CDH12: variants seen among roughly 807,000 people sequenced by gnomAD.
CDH12 encodes cadherin-12.
In CDH12, 41 loss-of-function variants were observed where a neutral mutation model predicts 74.1. The ratio of observed to expected loss-of-function variants is 0.55; its 90% CI spans 0.43 to 0.72. The LOEUF (loss-of-function observed/expected upper bound fraction) is 0.72, where lower values mean the gene tolerates loss of function less well. CDH12 is among the 30% of genes least tolerant of loss of function. The pLI is 0.00. For synonymous variants in CDH12, 399 were observed against 355.0 expected (o/e 1.12, Z -1.39); for missense variants, 945 against 977.2 (o/e 0.97, Z 0.44).
intron 1 of CDH12, among the ~76,000 whole-genome samples, chr5:22,700,005 T>C (rs1352840856): frequency 6.6e-6 from 1 of 152,038 alleles, no homozygotes; most frequent in African/African-American, 2.4e-5. Context: ...TAAAAGCCCG[T>C]GTCTACAAAA....
chr5:22,764,973 C>T (rs896994108), intron 1 of CDH12, among the ~76,000 whole-genome samples: 8 of 151,954 alleles, frequency 5.3e-5, no homozygotes, highest in Non-Finnish European at 8.8e-5. Flanking sequence ...ATCATAAAAA[C>T]TGACACTGAG....
At chr5:22,098,003 C>A (rs1262872441) in intron 4 of CDH12, among the ~76,000 whole-genome samples, 1 of 152,158 alleles carries the variant, frequency 6.6e-6, no homozygotes, top group Non-Finnish European at 1.5e-5. Flanking sequence ...AATTGTTTTG[C>A]CTATCCACCC....
chr5:22,670,336 C>G (rs1200914653), intron 1 of CDH12, among the ~76,000 whole-genome samples: 2 of 151,968 alleles, frequency 1.3e-5, no homozygotes, highest in Non-Finnish European at 2.9e-5. Context: ...TTCTTTAAAG[C>G]CTGTTTTCAT....
intron 5 of CDH12, among the ~76,000 whole-genome samples, chr5:21,998,433 T>C (rs1736422121): frequency 6.6e-6 from 1 of 152,098 alleles, no homozygotes; most frequent in South Asian, 2.1e-4. Flanking sequence ...ATTAGCATAA[T>C]GTTAGTTTTC....
At chr5:22,196,306 A>C (rs1273503623) in intron 4 of CDH12, among the ~76,000 whole-genome samples, 1 of 151,514 alleles carries the variant, frequency 6.6e-6, no homozygotes, top group African/African-American at 2.4e-5. Context: ...TACCCCATCC[A>C]GCTAATGTTT....
At chr5:22,461,539 A>C (rs1367443039) in intron 2 of CDH12, among the ~76,000 whole-genome samples, 1 of 151,996 alleles carries the variant, frequency 6.6e-6, no homozygotes, top group Non-Finnish European at 1.5e-5. Context: ...AGGGCTAAAA[A>C]AATATTTTCC....
intron 6 of CDH12, among the ~76,000 whole-genome samples, chr5:21,949,508 C>CGAGGCATTT (rs1561321740): frequency 6.6e-6 from 1 of 151,102 alleles, no homozygotes. Flanking sequence ...TGGTCCTTCA[C>CGAGGCATTT]GAGGCATTTC....
intron 4 of CDH12, among the ~76,000 whole-genome samples, chr5:22,194,308 C>CTTTTTTTT (rs59899245): frequency 4.3e-5 from 6 of 139,860 alleles, no homozygotes; most frequent in Middle Eastern, 3.7e-3. Flanking sequence ...CTTTTTCTTT[C>CTTTTTTTT]TTTTTTTTTT....
chr5:22,579,346 T>C (rs1333027338), intron 1 of CDH12, among the ~76,000 whole-genome samples: 11 of 152,162 alleles, frequency 7.2e-5, no homozygotes. Flanking sequence ...TGGAAAGAAA[T>C]TGATTTTATT....
chr5:21,871,096 A>G (rs949951536), intron 6 of CDH12, among the ~76,000 whole-genome samples: 3 of 152,192 alleles, frequency 2.0e-5, no homozygotes, highest in Non-Finnish European at 4.4e-5. Flanking sequence ...ATTGTTCTTC[A>G]GTGTGACAGG....
intron 1 of CDH12, among the ~76,000 whole-genome samples, chr5:22,852,149 A>T (rs1027431157): frequency 6.6e-6 from 1 of 152,186 alleles, no homozygotes; most frequent in Non-Finnish European, 1.5e-5. Flanking sequence ...CTCGATGAGA[A>T]ATTGAGAATC....
chr5:21,860,979 C>G (rs945581535), intron 6 of CDH12, among the ~76,000 whole-genome samples: 19 of 152,132 alleles, frequency 1.2e-4, no homozygotes, highest in African/African-American at 4.6e-4. Flanking sequence ...GTAGAAAACC[C>G]TAATACACCA....
intron 1 of CDH12, among the ~76,000 whole-genome samples, chr5:22,850,785 G>A (rs556416681): frequency 3.5e-4 from 54 of 152,130 alleles, no homozygotes; most frequent in African/African-American, 1.3e-3. Flanking sequence ...TATTACCCAA[G>A]CCCTTAGATT....
chr5:22,245,759 T>C lies in CDH12; in HGVS notation c.-332-33116A>G, dbSNP rs140632732. On this transcript the variant is annotated intron_variant, in intron 3 of 14. Coordinates refer to ENST00000382254, the MANE Select transcript of CDH12 (RefSeq NM_004061.5). ...TTGGGGAAAATCCAGTGAGATCTAT[T>C]CCAAGCCTCAGTTACACATATGCAT... Among the ~76,000 whole-genome samples the C allele has an allele frequency of 2.1e-3, 327 of 152,222 alleles. 3 individuals carry two copies. Among genetic ancestry groups the C allele is most frequent in the African/African-American group, 7.7e-3 (320 of 41,536 alleles).
At chr5:22,697,243 A>C (rs973280494) in intron 1 of CDH12, among the ~76,000 whole-genome samples, 3 of 152,172 alleles carry the variant, frequency 2.0e-5, no homozygotes, top group African/African-American at 7.2e-5. Flanking sequence ...GAGATGTTGC[A>C]GGTGAGGTTC....
chr5:22,309,346 T>A (rs769110152), intron 3 of CDH12, among the ~76,000 whole-genome samples: 2 of 151,856 alleles, frequency 1.3e-5, no homozygotes, highest in African/African-American at 4.8e-5. Context: ...CAGAACCACA[T>A]AAAGAAAAAG....
rs574971102 is a variant in CDH12, at chr5:22,205,584, G to A, written c.-187+6914C>T. Among the ~76,000 whole-genome samples the A allele has an allele frequency of 1.1e-4, 17 of 152,196 alleles. No individual in the cohort carries two copies. In the East Asian group the frequency reaches 3.1e-3, roughly 28 times the overall value. ...AATAAGAAAGAAATATGGCAGTTGA[G>A]ATTAGAAAGGGAGAAAAGTTTAAAT... On this transcript the variant is annotated intron_variant, in intron 4 of 14. Transcript: ENST00000382254.
chr5:21,886,794 G>A (rs562769126), intron 6 of CDH12, among the ~76,000 whole-genome samples: 13 of 151,626 alleles, frequency 8.6e-5, no homozygotes, highest in East Asian at 1.9e-4. Flanking sequence ...TATTCTTATC[G>A]ATATTTTATT....
intron 6 of CDH12, among the ~76,000 whole-genome samples, chr5:21,937,708 C>T (rs895321892): frequency 1.3e-5 from 2 of 152,124 alleles, no homozygotes; most frequent in African/African-American, 4.8e-5. Flanking sequence ...CCAAGTGGGT[C>T]CCACAGGGAG....
Sources: allele counts gnomAD v4.1 joint callset (sites outside exome capture counted in the v4.1 genomes callset), GRCh38; gene constraint gnomAD v4.1.1; transcripts MANE v1.5; gene names NCBI Gene and HGNC (gene_info 2026-07-23, HGNC 2026-07-21).